Variants in ZNF609 observed in about 807,000 individuals in gnomAD.
ZNF609 encodes the protein zinc finger protein 609.
Under a neutral mutation model 109.5 loss-of-function variants are expected in ZNF609, and 11 were observed. That is an observed-to-expected ratio of 0.10 (90% CI 0.06 to 0.17). ZNF609 has a LOEUF of 0.17. Among genes scored for constraint, ZNF609 ranks in the 10% least tolerant of loss-of-function variants. The pLI is 1.00. For synonymous variants in ZNF609, 646 were observed against 662.0 expected (o/e 0.98, Z 0.37); for missense variants, 1,559 against 1,772.4 (o/e 0.88, Z 2.16).
At chr15:64,604,116 TTTAA>T (rs1472408346) in intron 2 of ZNF609, among the ~76,000 whole-genome samples, 24 of 152,176 alleles carry the variant, frequency 1.6e-4, no homozygotes, top group Admixed American at 1.6e-3. Context: ...ATGACATTAC[TTTAA>T]TTACTTGTTC....
At chr15:64,557,053 G>C (rs1894600665) in intron 2 of ZNF609, among the ~76,000 whole-genome samples, 1 of 152,086 alleles carries the variant, frequency 6.6e-6, no homozygotes, top group East Asian at 1.9e-4. Context: ...TTTTTGGTAA[G>C]AATGAGATTC....
At chr15:64,504,492 G>T (rs114892781) in intron 2 of ZNF609, among the ~76,000 whole-genome samples, 1,968 of 152,156 alleles carry the variant, frequency 0.013, 32 homozygotes, top group African/African-American at 0.046. Context: ...TTATTTTCGA[G>T]ATGGAGACTC....
In ZNF609 at chr15:64,555,403, G is replaced by A. The variant is rs192956862; in HGVS notation, c.747+55237G>A. On this transcript the variant is annotated intron_variant, in intron 2 of 9. Coordinates refer to ENST00000326648, the MANE Select transcript of ZNF609 (RefSeq NM_015042.2). ...AATTGGGCTGGGTGCAGTGGCGCAC[G>A]CCTGTAATCCCAGCACTTTGGAGGC... Among the ~76,000 whole-genome samples, 190 of 152,048 alleles carry A rather than the reference G, an allele frequency of 1.2e-3. 1 individual carries two copies. The highest frequency in any genetic ancestry group is 3.5e-3 in the Admixed American group (54 of 15,274).
At chr15:64,531,080 T>G (rs1894054153) in intron 2 of ZNF609, among the ~76,000 whole-genome samples, 1 of 152,206 alleles carries the variant, frequency 6.6e-6, no homozygotes, top group Admixed American at 6.5e-5. Context: ...TTAATACCTA[T>G]AGCTCTCCTG....
At chr15:64,552,065 T>TA (rs1449920754) in intron 2 of ZNF609, among the ~76,000 whole-genome samples, 1 of 152,204 alleles carries the variant, frequency 6.6e-6, no homozygotes, top group Non-Finnish European at 1.5e-5. Flanking sequence ...GAGTTCTTGA[T>TA]ACGTTGTGCA....
chr15:64,540,132 T>A (rs940143546), intron 2 of ZNF609, among the ~76,000 whole-genome samples: 1 of 152,192 alleles, frequency 6.6e-6, no homozygotes, highest in Non-Finnish European at 1.5e-5. Flanking sequence ...CTATATCTTA[T>A]GTTAGGATTC....
intron 1 of ZNF609, among the ~76,000 whole-genome samples, chr15:64,468,275 T>TTTCC (rs1210301596): frequency 5.3e-5 from 8 of 151,152 alleles, no homozygotes; most frequent in Non-Finnish European, 7.4e-5. Context: ...TTTCTTTTCT[T>TTTCC]TTCCTTCCTT....
chr15:64,679,901 A>G (rs1896857998), intron 6 of ZNF609, among the ~76,000 whole-genome samples: 2 of 152,208 alleles, frequency 1.3e-5, no homozygotes, highest in Non-Finnish European at 1.5e-5. Context: ...CCACTTTATC[A>G]TATCACTTCT....
At chr15:64,541,393 C>G (rs1029353434) in intron 2 of ZNF609, among the ~76,000 whole-genome samples, 2 of 145,804 alleles carry the variant, frequency 1.4e-5, no homozygotes, top group Non-Finnish European at 3.0e-5. Flanking sequence ...CGCCACTGCA[C>G]TCCAGCCTGG....
chr15:64,644,186 T>A (rs1052801954), intron 3 of ZNF609, among the ~76,000 whole-genome samples: 13 of 152,172 alleles, frequency 8.5e-5, no homozygotes, highest in South Asian at 2.1e-4. Flanking sequence ...AAATTTTTTT[T>A]AAAAAGAGGA....
At chr15:64,480,272 G>A (rs1443805170) in intron 1 of ZNF609, among the ~76,000 whole-genome samples, 1 of 151,744 alleles carries the variant, frequency 6.6e-6, no homozygotes, top group Non-Finnish European at 1.5e-5. Flanking sequence ...AGTGGCTCAC[G>A]CCTGTAATCC....
At chr15:64,677,404 G>T (rs1202215349) in intron 5 of ZNF609, among the ~76,000 whole-genome samples, 50 of 152,234 alleles carry the variant, frequency 3.3e-4, no homozygotes, top group Non-Finnish European at 4.4e-5. Flanking sequence ...GACAGGAAAG[G>T]CCCAGACAAG....
At chr15:64,656,896 T>G (rs1483196370) in intron 3 of ZNF609, among the ~76,000 whole-genome samples, 1 of 152,060 alleles carries the variant, frequency 6.6e-6, no homozygotes, top group Non-Finnish European at 1.5e-5. Context: ...AACACAACTT[T>G]CCATTCAGTA....
At chr15:64,481,481 T>C (rs1423915897) in intron 1 of ZNF609, among the ~76,000 whole-genome samples, 2 of 151,930 alleles carry the variant, frequency 1.3e-5, no homozygotes, top group Admixed American at 6.6e-5. Context: ...ACACCACGCC[T>C]AGCTAATTCT....
At chr15:64,645,048 T>C (rs8025794) in intron 3 of ZNF609, among the ~76,000 whole-genome samples, 82 of 138,496 alleles carry the variant, frequency 5.9e-4, no homozygotes, top group African/African-American at 2.3e-3. Context: ...TTCCTTTCTT[T>C]CTTCCTTTCT....
chr15:64,531,430 T>C (rs1017738474), intron 2 of ZNF609, among the ~76,000 whole-genome samples: 1 of 152,150 alleles, frequency 6.6e-6, no homozygotes, highest in Non-Finnish European at 1.5e-5. Context: ...ACAGTCTCGC[T>C]CTGTCACCCA....
intron 4 of ZNF609, among the ~76,000 whole-genome samples, chr15:64,673,272 C>CA (rs1343884435): frequency 6.6e-6 from 1 of 152,174 alleles, no homozygotes; most frequent in African/African-American, 2.4e-5. Flanking sequence ...ACAAGAGAGT[C>CA]AAAACCATCT....
At chr15:64,571,027 A>G (rs1231842477) in intron 2 of ZNF609, among the ~76,000 whole-genome samples, 1 of 152,236 alleles carries the variant, frequency 6.6e-6, no homozygotes, top group Non-Finnish European at 1.5e-5. Context: ...CTCTGTCTCT[A>G]AATACATAAA....
In ZNF609 at chr15:64,612,736, C is replaced by T. The variant is rs146093759; in HGVS notation, c.748-10091C>T. Among the ~76,000 whole-genome samples the T allele has an allele frequency of 4.7e-3, 712 of 151,084 alleles. 4 individuals are homozygous for T. Among genetic ancestry groups the T allele is most frequent in the African/African-American group, 0.017 (690 of 41,202 alleles). On this transcript the variant is annotated intron_variant, in intron 2 of 9. Coordinates refer to ENST00000326648, the MANE Select transcript of ZNF609 (RefSeq NM_015042.2). ...TAGTTACTGTTTGAAAAGGACCTGC[C>T]GGGCGTGGTGGCTCATGCCTGTAAT...
Sources: gnomAD v4.1 joint callset for allele counts (sites outside exome capture counted in the v4.1 genomes callset) on GRCh38, gnomAD v4.1.1 for gene constraint, MANE v1.5 for transcripts, NCBI Gene and HGNC (gene_info 2026-07-23, HGNC 2026-07-21) for gene names.